Variants in PDLIM5 observed in about 807,000 individuals in gnomAD.
PDLIM5 encodes the protein PDZ and LIM domain 5, also known as PDZ and LIM domain protein 5.
Under a neutral mutation model 64.2 loss-of-function variants are expected in PDLIM5, and 34 were observed. The ratio of observed to expected loss-of-function variants is 0.53; its 90% CI spans 0.40 to 0.71. The LOEUF (loss-of-function observed/expected upper bound fraction) is 0.71, where lower values mean the gene tolerates loss of function less well. Among genes scored for constraint, PDLIM5 ranks in the 30% least tolerant of loss-of-function variants. The pLI, the probability that PDLIM5 is intolerant of heterozygous loss-of-function variation, is 0.00. For missense variants in PDLIM5, 683 were observed against 733.6 expected, an observed-to-expected ratio of 0.93 and a Z score of 0.80; for synonymous variants, 253 against 269.1, an observed-to-expected ratio of 0.94 and a Z score of 0.59.
At chr4:94,529,098 A>G (rs373828484) in intron 3 of PDLIM5, among the ~76,000 whole-genome samples, 3 of 152,330 alleles carry the variant, frequency 2.0e-5, no homozygotes. Flanking sequence ...CTTGTTTGCA[A>G]TCAAATTTAA....
intron 7 of PDLIM5, chr4:94,611,275 A>G (rs1578468500): frequency 8.0e-7 from 1 of 1,253,334 alleles, no homozygotes; most frequent in Non-Finnish European, 1.1e-6. Flanking sequence ...CCACCACTGT[A>G]TTAACAGGCC....
chr4:94,618,691 C>T (rs1342137807), intron 8 of PDLIM5, among the ~76,000 whole-genome samples: 2 of 152,142 alleles, frequency 1.3e-5, no homozygotes, highest in Non-Finnish European at 2.9e-5. Flanking sequence ...ATGGAACTGC[C>T]TGGCCTCAGT....
At chr4:94,628,561 A>T (rs1739886746) in intron 8 of PDLIM5, among the ~76,000 whole-genome samples, 1 of 150,204 alleles carries the variant, frequency 6.7e-6, no homozygotes, top group Non-Finnish European at 1.5e-5. Flanking sequence ...CCCCTACATG[A>T]TTAGAACTCT....
intron 8 of PDLIM5, among the ~76,000 whole-genome samples, chr4:94,621,096 A>G (rs1406119791): frequency 6.8e-6 from 1 of 146,366 alleles, no homozygotes; most frequent in Non-Finnish European, 1.5e-5. Context: ...AAAAAAAAAA[A>G]AAGCTAGAAG....
intron 2 of PDLIM5, among the ~76,000 whole-genome samples, chr4:94,487,804 A>G (rs956133325): frequency 6.6e-6 from 1 of 152,050 alleles, no homozygotes; most frequent in Non-Finnish European, 1.5e-5. Flanking sequence ...TTCTTAAGAA[A>G]CTTGAAAGGG....
At chr4:94,479,321 G>T (rs9990976) in intron 2 of PDLIM5, among the ~76,000 whole-genome samples, 81,154 of 140,676 alleles carry the variant, frequency 0.58, 24,809 homozygotes, top group African/African-American at 0.82. Flanking sequence ...TATAAGGAGA[G>T]CTTTGAGACT....
intron 9 of PDLIM5, among the ~76,000 whole-genome samples, chr4:94,644,514 G>T (rs1214506768): frequency 1.3e-5 from 2 of 151,672 alleles, no homozygotes; most frequent in African/African-American, 2.4e-5. Flanking sequence ...AACTTGATTG[G>T]TATCATGCCA....
At chr4:94,503,473 C>T (rs1018649787) in intron 2 of PDLIM5, among the ~76,000 whole-genome samples, 8 of 152,158 alleles carry the variant, frequency 5.3e-5, no homozygotes, top group Non-Finnish European at 7.3e-5. Context: ...AGCCTCTCAT[C>T]GTGTAGTAGG....
At chr4:94,467,670 T>A (rs1052348271) in intron 2 of PDLIM5, among the ~76,000 whole-genome samples, 2 of 152,152 alleles carry the variant, frequency 1.3e-5, no homozygotes, top group Admixed American at 1.3e-4. Flanking sequence ...TAATCAGGAT[T>A]TAAGTTTCTA....
rs758028765 is a variant in PDLIM5 at position 94,585,596 on chromosome 4, A to T, written c.742A>T (p.Thr248Ser). 1.2e-6 allele frequency: 2 copies of T among 1,613,050 alleles called. No individual in the cohort carries two copies. The highest frequency in any genetic ancestry group is 4.5e-5 in the East Asian group (2 of 44,802). ...PPRKHIVERY[T>S]EFYHVPTHSD... is the part of the protein sequence containing the mutation. ...AAGAAAACACATTGTGGAGCGCTAT[A>T]CAGAGTTTTATCATGTACCCACTCA... Residue 248 changes from threonine to serine, a missense_variant, in exon 6 of 13, where the codon ACA becomes TCA. By Grantham distance (58) the Thr-to-Ser change is moderately conservative. Transcript: ENST00000317968.
chr4:94,480,955 T>C (rs1224879634), intron 2 of PDLIM5, among the ~76,000 whole-genome samples: 1 of 152,230 alleles, frequency 6.6e-6, no homozygotes, highest in Non-Finnish European at 1.5e-5. Context: ...ATAATTATAC[T>C]GTATGTGGTT....
chr4:94,595,516 A>C (rs1256246900), intron 7 of PDLIM5, among the ~76,000 whole-genome samples: 2 of 152,268 alleles, frequency 1.3e-5, no homozygotes, highest in African/African-American at 4.8e-5. Context: ...GGAAGAATAG[A>C]GTTAATGTTA....
At chr4:94,641,063 T>C (rs1484064517) in intron 9 of PDLIM5, among the ~76,000 whole-genome samples, 1 of 152,256 alleles carries the variant, frequency 6.6e-6, no homozygotes, top group Non-Finnish European at 1.5e-5. Flanking sequence ...CTGCAGCTTA[T>C]TGAATCTCTG....
intron 7 of PDLIM5, among the ~76,000 whole-genome samples, chr4:94,594,406 G>T (rs1736905003): frequency 6.6e-6 from 1 of 151,966 alleles, no homozygotes; most frequent in African/African-American, 2.4e-5. Context: ...AATACTAATA[G>T]AGAAAATTTT....
chr4:94,473,133 GA>G (rs758270023), intron 2 of PDLIM5, among the ~76,000 whole-genome samples: 3 of 152,244 alleles, frequency 2.0e-5, no homozygotes, highest in Non-Finnish European at 2.9e-5. Flanking sequence ...TAAAGTCCAG[GA>G]ATAGTATTCA....
chr4:94,567,907 T>C (rs1405498709), intron 3 of PDLIM5, among the ~76,000 whole-genome samples: 3 of 152,174 alleles, frequency 2.0e-5, no homozygotes. Context: ...GAAGTTCAGA[T>C]GGATCACCTA....
chr4:94,553,601 G>A (rs1407385713), intron 3 of PDLIM5, among the ~76,000 whole-genome samples: 1 of 152,154 alleles, frequency 6.6e-6, no homozygotes, highest in Non-Finnish European at 1.5e-5. Flanking sequence ...ATTCAATAGA[G>A]AATCCACAGG....
intron 2 of PDLIM5, among the ~76,000 whole-genome samples, chr4:94,510,081 A>G (rs143493542): frequency 2.9e-3 from 448 of 152,336 alleles, no homozygotes; most frequent in African/African-American, 9.8e-3. Flanking sequence ...AAATGAATAA[A>G]TGCATAGTTC....
At chr4:94,480,591 C>A (rs1725759100) in intron 2 of PDLIM5, among the ~76,000 whole-genome samples, 1 of 152,158 alleles carries the variant, frequency 6.6e-6, no homozygotes, top group African/African-American at 2.4e-5. Flanking sequence ...GGAGCTGGGA[C>A]TGTAGAGCCA....
Sources: allele counts gnomAD v4.1 joint callset (sites outside exome capture counted in the v4.1 genomes callset), GRCh38; gene constraint gnomAD v4.1.1; transcripts MANE v1.5; gene names NCBI Gene and HGNC (gene_info 2026-07-23, HGNC 2026-07-21).